The following NCAM2 variants were observed in gnomAD, a reference collection of about 807,000 sequenced individuals.
NCAM2 encodes N-CAM-2.
NCAM2 carries 30 observed loss-of-function variants against 98.1 expected under a neutral mutation model. The ratio of observed to expected loss-of-function variants is 0.31; its 90% CI spans 0.23 to 0.41. NCAM2 has a LOEUF of 0.41. NCAM2 is among the 10% of genes least tolerant of loss of function. The probability of loss-of-function intolerance (pLI) is 1.00; values close to 1 mark genes in which losing one functional copy is unlikely to be tolerated. For missense variants in NCAM2, 867 were observed against 1,005.8 expected (o/e 0.86, Z 1.87); for synonymous variants, 368 against 342.4 (o/e 1.07, Z -0.83).
chr21:21,291,309 A>G (rs1188320244), intron 4 of NCAM2, among the ~76,000 whole-genome samples: 2 of 151,904 alleles, frequency 1.3e-5, no homozygotes, highest in Admixed American at 6.6e-5. Flanking sequence ...TAAGGAGAGA[A>G]AAGGTTTTAG....
chr21:21,160,821 A>G (rs2067760338), intron 1 of NCAM2, among the ~76,000 whole-genome samples: 1 of 152,060 alleles, frequency 6.6e-6, no homozygotes, highest in Non-Finnish European at 1.5e-5. Flanking sequence ...ACAAGGACCC[A>G]ATATCATAAT....
intron 5 of NCAM2, among the ~76,000 whole-genome samples, chr21:21,310,296 C>T: frequency 6.6e-6 from 1 of 152,106 alleles, no homozygotes. Flanking sequence ...ATATGTAGCA[C>T]TATGAACTGA....
At chr21:21,012,074 A>C (rs2064222896) in intron 1 of NCAM2, among the ~76,000 whole-genome samples, 1 of 152,160 alleles carries the variant, frequency 6.6e-6, no homozygotes, top group African/African-American at 2.4e-5. Flanking sequence ...AGGTTCCATA[A>C]AAATGAAAAA....
At chr21:21,325,144 T>A (rs1480215150) in intron 6 of NCAM2, among the ~76,000 whole-genome samples, 1 of 152,172 alleles carries the variant, frequency 6.6e-6, no homozygotes, top group Non-Finnish European at 1.5e-5. Context: ...TTGGAGACGA[T>A]GAACTTTAAA....
intron 1 of NCAM2, among the ~76,000 whole-genome samples, chr21:21,267,503 G>C (rs558086236): frequency 6.6e-6 from 1 of 152,194 alleles, no homozygotes; most frequent in Non-Finnish European, 1.5e-5. Flanking sequence ...ATCATCAAAT[G>C]TAGGAAAACT....
intron 12 of NCAM2, among the ~76,000 whole-genome samples, chr21:21,436,290 A>G (rs1186535384): frequency 6.6e-6 from 1 of 152,110 alleles, no homozygotes; most frequent in Non-Finnish European, 1.5e-5. Flanking sequence ...TAGCATTTCC[A>G]CCTTACTCAC....
chr21:21,414,969 C>A (rs1488772811), intron 10 of NCAM2, among the ~76,000 whole-genome samples: 2 of 149,308 alleles, frequency 1.3e-5, no homozygotes, highest in African/African-American at 2.5e-5. Flanking sequence ...TTTTTCTCAG[C>A]ACTATATCTC....
At chr21:21,505,097 TA>T (rs1296347164) in intron 15 of NCAM2, among the ~76,000 whole-genome samples, 1 of 152,086 alleles carries the variant, frequency 6.6e-6, no homozygotes, top group Non-Finnish European at 1.5e-5. Flanking sequence ...TATTTTTTCA[TA>T]AAAATAACTT....
At chr21:21,498,712 A>G (rs914843780) in intron 15 of NCAM2, among the ~76,000 whole-genome samples, 3 of 152,202 alleles carry the variant, frequency 2.0e-5, no homozygotes, top group African/African-American at 4.8e-5. Context: ...AAAGAAGTAC[A>G]GTATTTATTT....
intron 1 of NCAM2, among the ~76,000 whole-genome samples, chr21:21,171,828 C>G (rs1232849291): frequency 7.4e-6 from 1 of 135,428 alleles, no homozygotes; most frequent in Non-Finnish European, 1.6e-5. Flanking sequence ...AATCAAAGGT[C>G]AATATTCAAT....
At chr21:21,435,683 A>C (rs1425110870) in intron 12 of NCAM2, among the ~76,000 whole-genome samples, 1 of 152,132 alleles carries the variant, frequency 6.6e-6, no homozygotes, top group Non-Finnish European at 1.5e-5. Context: ...TTACAGCACT[A>C]CAGAAACATG....
chr21:21,033,805 C>T (rs954355151), intron 1 of NCAM2, among the ~76,000 whole-genome samples: 1 of 152,120 alleles, frequency 6.6e-6, no homozygotes, highest in Non-Finnish European at 1.5e-5. Context: ...GTTTATTTCA[C>T]AAATATAGAT....
intron 1 of NCAM2, among the ~76,000 whole-genome samples, chr21:21,024,466 A>G (rs2064500260): frequency 6.6e-6 from 1 of 152,232 alleles, no homozygotes; most frequent in Non-Finnish European, 1.5e-5. Flanking sequence ...GATTTTACAA[A>G]TAAAGAGAAA....
At chr21:21,097,505 G>T (rs964349291) in intron 1 of NCAM2, among the ~76,000 whole-genome samples, 2 of 151,484 alleles carry the variant, frequency 1.3e-5, no homozygotes, top group African/African-American at 4.8e-5. Flanking sequence ...TTTTAACAGA[G>T]ATACATTTTT....
At chr21:21,089,443 A>G (rs2146440609) in intron 1 of NCAM2, among the ~76,000 whole-genome samples, 1 of 152,310 alleles carries the variant, frequency 6.6e-6, no homozygotes, top group South Asian at 2.1e-4. Context: ...CAATACAAAA[A>G]ATCAAATTTT....
intron 16 of NCAM2, among the ~76,000 whole-genome samples, chr21:21,530,246 AATTATATATAATTTAATTT>A: frequency 8.1e-6 from 1 of 123,792 alleles, no homozygotes; most frequent in Admixed American, 8.7e-5. Flanking sequence ...AATTTAAATT[AATTATATATAATTTAATTT>A]AATTATATAT....
At chr21:21,069,345 A>C in intron 1 of NCAM2, among the ~76,000 whole-genome samples, 1 of 152,318 alleles carries the variant, frequency 6.6e-6, no homozygotes, top group East Asian at 1.9e-4. Context: ...TAACCTTTAA[A>C]ATTGCAGAAG....
chr21:21,352,401 C>T (rs927350280), intron 8 of NCAM2, among the ~76,000 whole-genome samples: 2 of 152,030 alleles, frequency 1.3e-5, no homozygotes, highest in East Asian at 1.9e-4. Flanking sequence ...GGATTACAGA[C>T]ATGAGCCACC....
intron 1 of NCAM2, among the ~76,000 whole-genome samples, chr21:21,080,396 C>T (rs1215123186): frequency 2.0e-5 from 3 of 151,914 alleles, no homozygotes; most frequent in Non-Finnish European, 4.4e-5. Flanking sequence ...GTAGGCAGGT[C>T]ACCTGAGGTA....
Sources: gnomAD v4.1 joint callset for allele counts (sites outside exome capture counted in the v4.1 genomes callset) on GRCh38, gnomAD v4.1.1 for gene constraint, MANE v1.5 for transcripts, NCBI Gene and HGNC (gene_info 2026-07-23, HGNC 2026-07-21) for gene names.